The following LRP1B variants were observed in gnomAD, a reference collection of about 807,000 sequenced individuals.
LRP1B encodes low-density lipoprotein receptor-related protein 1B.
A neutral mutation model predicts 556.6 loss-of-function variants in LRP1B; 217 were observed. That is an observed-to-expected ratio of 0.39 (90% confidence interval 0.35 to 0.44). The LOEUF is 0.44. Among genes scored for constraint, LRP1B ranks in the 20% least tolerant of loss-of-function variants. The probability of loss-of-function intolerance (pLI) is 1.00; values close to 1 mark genes in which losing one functional copy is unlikely to be tolerated. For missense variants in LRP1B, 5,053 were observed against 5,620.8 expected, an observed-to-expected ratio of 0.90 and a Z score of 3.23; for synonymous variants, 2,047 against 1,865.8, an observed-to-expected ratio of 1.10 and a Z score of -2.50.
At chr2:141,689,963 C>T (rs977659072) in intron 2 of LRP1B, among the ~76,000 whole-genome samples, 1 of 151,730 alleles carries the variant, frequency 6.6e-6, no homozygotes, top group African/African-American at 2.4e-5. Context: ...AAAGCATTAT[C>T]TACTCTTGTA....
At chr2:140,715,296 G>A (rs1393543891) in intron 37 of LRP1B, among the ~76,000 whole-genome samples, 1 of 152,024 alleles carries the variant, frequency 6.6e-6, no homozygotes, top group Non-Finnish European at 1.5e-5. Flanking sequence ...TTAGGAGACA[G>A]ACTGGGATGT....
intron 3 of LRP1B, among the ~76,000 whole-genome samples, chr2:141,320,487 C>G (rs551343743): frequency 6.6e-6 from 1 of 152,126 alleles, no homozygotes; most frequent in South Asian, 2.1e-4. Flanking sequence ...ATTAGTGATG[C>G]TATGTACTAT....
chr2:142,040,624 GTTTTTT>G, intron 1 of LRP1B, among the ~76,000 whole-genome samples: 1 of 143,758 alleles, frequency 7.0e-6, no homozygotes, highest in South Asian at 2.2e-4. Flanking sequence ...CAGTACTGAG[GTTTTTT>G]TTTTTTTTAA....
chr2:141,586,134 C>A (rs1005772808), intron 2 of LRP1B, among the ~76,000 whole-genome samples: 3 of 152,152 alleles, frequency 2.0e-5, no homozygotes, highest in African/African-American at 4.8e-5. Context: ...ATTCACGTCT[C>A]TTTTCTTTTC....
At chr2:140,496,580 G>C (rs773369923) in intron 55 of LRP1B, among the ~76,000 whole-genome samples, 5 of 152,002 alleles carry the variant, frequency 3.3e-5, no homozygotes, top group African/African-American at 1.2e-4. Flanking sequence ...TAACTAACTG[G>C]TATGTCAACT....
At chr2:140,298,044 TA>T in intron 83 of LRP1B, 75 bp from the exon 84 acceptor site, 1 of 1,408,450 alleles carries the variant, frequency 7.1e-7, no homozygotes, top group Non-Finnish European at 9.7e-7. Flanking sequence ...TTTCATGGGA[TA>T]AAAGTTGAGA....
Position 141,828,228 on chromosome 2 carries a change from A to G in LRP1B, c.83-17827T>C, listed in dbSNP as rs60112092. On this transcript the variant is annotated intron_variant, in intron 1 of 90. Transcript: ENST00000389484. The stretch of plus-strand genomic sequence containing the variant: ...ATGTTAATATTATTGTGTATCTTAG[A>G]CATCTTCAATACACATTTTTTTATT... Among the ~76,000 whole-genome samples the G allele has an allele frequency of 6.8e-3, 1,031 of 152,258 alleles. 16 individuals are homozygous for G. Among genetic ancestry groups the G allele is most frequent in the African/African-American group, 0.023 (950 of 41,568 alleles).
chr2:140,516,339 T>A (rs575768402), intron 50 of LRP1B, among the ~76,000 whole-genome samples: 1 of 152,134 alleles, frequency 6.6e-6, no homozygotes, highest in Admixed American at 6.5e-5. Flanking sequence ...ATTAACATAA[T>A]ATTTACATTG....
At chr2:141,373,327 T>C in intron 3 of LRP1B, among the ~76,000 whole-genome samples, 1 of 152,136 alleles carries the variant, frequency 6.6e-6, no homozygotes, top group East Asian at 1.9e-4. Context: ...CTATAGTTGG[T>C]GCATAGACTG....
chr2:141,588,329 A>G (rs1687214364), intron 2 of LRP1B, among the ~76,000 whole-genome samples: 1 of 151,818 alleles, frequency 6.6e-6, no homozygotes, highest in Admixed American at 6.6e-5. Context: ...TGAGCATACC[A>G]CAGCCTAGAA....
intron 2 of LRP1B, among the ~76,000 whole-genome samples, chr2:141,668,553 T>C (rs1276153341): frequency 6.6e-6 from 1 of 152,096 alleles, no homozygotes; most frequent in Non-Finnish European, 1.5e-5. Context: ...CTGTGGACAG[T>C]CCAATGGCTG....
At chr2:140,706,795 T>G (rs1686853851) in intron 37 of LRP1B, among the ~76,000 whole-genome samples, 1 of 150,604 alleles carries the variant, frequency 6.6e-6, no homozygotes. Flanking sequence ...ACATCAGAAT[T>G]AGTCTAGATA....
chr2:140,598,390 G>A lies in LRP1B; in HGVS notation c.7194+241C>T, dbSNP rs1335050727. 2.0e-5 allele frequency among the ~76,000 whole-genome samples: 3 copies of A among 152,052 alleles called. No homozygotes were observed. The East Asian group carries it at 5.8e-4, about 29-fold the overall frequency. ...AACTAGAAGGAAATTAGTTACTATT[G>A]CTCCAGAAAAAGTTTATGTGTTGAG... On this transcript the variant is annotated intron_variant, in intron 43 of 90. Transcript: ENST00000389484.
chr2:141,324,028 C>CCACA lies in LRP1B; in HGVS notation c.344-69391_344-69388dup, dbSNP rs57105906. Among the ~76,000 whole-genome samples the CCACA allele has an allele frequency of 1.1e-3, 130 of 113,134 alleles. 1 individual carries two copies. The highest frequency in any genetic ancestry group is 1.9e-3 in the Non-Finnish European group (107 of 56,414). The allele number at this position is 113,134 out of a possible 152,430, so 74.2% of individuals were successfully genotyped here. On this transcript the variant is annotated intron_variant, in intron 3 of 90. Transcript: ENST00000389484. Reference sequence around the variant, plus strand: ...ACACACACACACCTGAACAAGGAAACCACACACACACACACACACACACAC... The same window carrying CCACA: ...ACACACACACACCTGAACAAGGAAACCACACACACACACACACACACACACACAC...
chr2:141,274,544 G>C (rs1385795191), intron 3 of LRP1B, among the ~76,000 whole-genome samples: 2 of 152,064 alleles, frequency 1.3e-5, no homozygotes, highest in Non-Finnish European at 2.9e-5. Flanking sequence ...CTAGTACTGG[G>C]GGATATTGTG....
intron 2 of LRP1B, among the ~76,000 whole-genome samples, chr2:141,553,186 C>A (rs935433456): frequency 6.6e-5 from 10 of 151,760 alleles, no homozygotes; most frequent in Non-Finnish European, 2.9e-5. Flanking sequence ...TGATAACATC[C>A]AAGCTCATGC....
intron 11 of LRP1B, among the ~76,000 whole-genome samples, chr2:141,046,923 A>G (rs1325840591): frequency 6.6e-6 from 1 of 152,034 alleles, no homozygotes; most frequent in Non-Finnish European, 1.5e-5. Context: ...CTCTAGTAAA[A>G]ATACAAAAAT....
chr2:141,624,036 C>CAAAAAAAAAAAAAAAAAAA, intron 2 of LRP1B, among the ~76,000 whole-genome samples: 65 of 90,716 alleles, frequency 7.2e-4, no homozygotes, highest in Non-Finnish European at 9.0e-4. Context: ...AAAAATTAAA[C>CAAAAAAAAAAAAAAAAAAA]AAAAAAAAAA....
intron 41 of LRP1B, among the ~76,000 whole-genome samples, chr2:140,632,142 T>C (rs2105278927): frequency 6.6e-6 from 1 of 152,238 alleles, no homozygotes; most frequent in East Asian, 1.9e-4. Flanking sequence ...GCAAAAGAAA[T>C]TTTGAAGAAG....
Sources: allele counts gnomAD v4.1 joint callset (sites outside exome capture counted in the v4.1 genomes callset), GRCh38; gene constraint gnomAD v4.1.1; transcripts MANE v1.5; gene names NCBI Gene and HGNC (gene_info 2026-07-23, HGNC 2026-07-21).